The following SOX5 variants were observed in gnomAD, a reference collection of about 807,000 sequenced individuals.
The protein encoded by SOX5 is SRY-box transcription factor 5.
SOX5 carries 9 observed loss-of-function variants against 92.0 expected under a neutral mutation model. The observed-to-expected ratio is 0.10, with a 90% CI of 0.06 to 0.17. SOX5 has a LOEUF of 0.17. Among genes scored for constraint, SOX5 ranks in the 10% least tolerant of loss-of-function variants. SOX5 has a pLI of 1.00. For missense variants in SOX5, 642 were observed against 944.5 expected (o/e 0.68, Z 4.20); for synonymous variants, 344 against 336.3 (o/e 1.02, Z -0.25).
At chr12:24,285,027 AG>A (rs1945690751) in intron 2 of SOX5, among the ~76,000 whole-genome samples, 1 of 152,060 alleles carries the variant, frequency 6.6e-6, no homozygotes, top group Non-Finnish European at 1.5e-5. Context: ...TGGGATGCTG[AG>A]GCAGGAGAAT....
intron 2 of SOX5, among the ~76,000 whole-genome samples, chr12:23,872,169 T>A (rs2096881554): frequency 8.1e-6 from 1 of 122,706 alleles, no homozygotes; most frequent in East Asian, 2.2e-4. Context: ...GGCTAATTTT[T>A]TTTTTTTTTT....
chr12:24,060,958 A>T (rs1939569109), intron 4 of SOX5, among the ~76,000 whole-genome samples: 1 of 151,510 alleles, frequency 6.6e-6, no homozygotes, highest in Non-Finnish European at 1.5e-5. Context: ...AAACAAAAAC[A>T]CCCCCTTCCT....
chr12:24,004,952 T>C (rs1165843508), intron 4 of SOX5, among the ~76,000 whole-genome samples: 1 of 152,130 alleles, frequency 6.6e-6, no homozygotes, highest in African/African-American at 2.4e-5. Context: ...AAATAGCCGA[T>C]GCATGCTAAA....
At chr12:24,106,959 G>A (rs779379649) in intron 4 of SOX5, among the ~76,000 whole-genome samples, 8 of 151,878 alleles carry the variant, frequency 5.3e-5, no homozygotes, top group Non-Finnish European at 8.8e-5. Flanking sequence ...AATCAAATGA[G>A]CCAAAATTGT....
intron 11 of SOX5, among the ~76,000 whole-genome samples, chr12:23,555,891 C>A (rs1004890430): frequency 9.9e-5 from 15 of 152,080 alleles, no homozygotes; most frequent in African/African-American, 3.6e-4. Flanking sequence ...AGAAGAAAAC[C>A]ATCTAGAACA....
At position 23,546,361 on chromosome 12, in the gene SOX5, A is replaced by C; in HGVS notation, c.1552T>G (p.Phe518Val). ...LAVKQNEEGK[F>V]SHAMMDFNLS... Reference sequence around the variant, plus strand: ...TTGAAATCCATCATTGCATGGCTAAATTTTCCTTCTTCATTCTGTTTAACT... The same window carrying C: ...TTGAAATCCATCATTGCATGGCTAACTTTTCCTTCTTCATTCTGTTTAACT... Residue 518 changes from phenylalanine to valine, a missense_variant, in exon 12 of 15, where the codon TTT (phenylalanine) becomes GTT (valine). Phe to Val is a conservative substitution (Grantham distance 50, BLOSUM62 -1). This residue lies in a region of SOX5 where 324 missense variants were observed against 461.6 expected (regional missense o/e 0.70). Transcript: ENST00000451604. The C allele has an allele frequency of 6.2e-7, 1 of 1,610,160 alleles. No homozygotes were observed. The highest frequency in any genetic ancestry group is 1.3e-5 in the African/African-American group (1 of 74,868).
chr12:23,753,788 C>A (rs1433208792), intron 4 of SOX5, among the ~76,000 whole-genome samples: 1 of 151,840 alleles, frequency 6.6e-6, no homozygotes, highest in Middle Eastern at 3.4e-3. Flanking sequence ...TCACTTACCC[C>A]CAGAGGGCAA....
intron 1 of SOX5, among the ~76,000 whole-genome samples, chr12:24,506,448 A>G (rs1415785933): frequency 4.0e-5 from 6 of 150,512 alleles, no homozygotes; most frequent in Non-Finnish European, 1.5e-5. Flanking sequence ...AATGATTACA[A>G]GAAAAGTCTT....
chr12:24,121,267 T>G (rs1948582314), intron 4 of SOX5, among the ~76,000 whole-genome samples: 1 of 152,206 alleles, frequency 6.6e-6, no homozygotes, highest in Non-Finnish European at 1.5e-5. Context: ...TTCCAAAAGT[T>G]CATGGAAAAT....
rs895108294 is a variant in SOX5, at chr12:23,584,680, G to C, written c.1165-8842C>G. Reference sequence around the variant, plus strand: ...GCATTGGTTTATATTTGGGAGATGAGTGAAGGCCAAATTGTCTAAGGCACA... The same window carrying C: ...GCATTGGTTTATATTTGGGAGATGACTGAAGGCCAAATTGTCTAAGGCACA... On this transcript the variant is annotated intron_variant, in intron 9 of 14. Coordinates refer to ENST00000451604, the MANE Select transcript of SOX5 (RefSeq NM_006940.6). 6 of 1,095,550 alleles carry C rather than the reference G, an allele frequency of 5.5e-6. No individual in the cohort carries two copies. The African/African-American group carries it at 9.2e-5, about 17-fold the overall frequency. The allele number at this position is 1,095,550 out of a possible 1,614,324, so 67.9% of individuals were successfully genotyped here.
chr12:24,500,134 G>A (rs1948055049), intron 1 of SOX5, among the ~76,000 whole-genome samples: 2 of 152,070 alleles, frequency 1.3e-5, no homozygotes, highest in African/African-American at 2.4e-5. Context: ...TGTCATTTTT[G>A]TATTTATAAA....
At chr12:24,316,812 A>G (rs1949735652) in intron 2 of SOX5, among the ~76,000 whole-genome samples, 1 of 152,174 alleles carries the variant, frequency 6.6e-6, no homozygotes, top group Non-Finnish European at 1.5e-5. Flanking sequence ...ATTTTTTCTT[A>G]AGGCAAAATA....
chr12:24,446,880 G>A (rs1448132679), intron 1 of SOX5, among the ~76,000 whole-genome samples: 1 of 152,156 alleles, frequency 6.6e-6, no homozygotes, highest in Non-Finnish European at 1.5e-5. Flanking sequence ...AAATAATGGA[G>A]GTATATCAGT....
intron 1 of SOX5, among the ~76,000 whole-genome samples, chr12:24,490,587 A>T (rs1946959900): frequency 6.6e-6 from 1 of 152,084 alleles, no homozygotes; most frequent in Admixed American, 6.6e-5. Context: ...AGGAAAATTC[A>T]GGAAAAAAAA....
intron 4 of SOX5, among the ~76,000 whole-genome samples, chr12:23,753,339 A>G (rs1042474300): frequency 6.6e-6 from 1 of 151,632 alleles, no homozygotes; most frequent in African/African-American, 2.4e-5. Flanking sequence ...GAAAAGGGAA[A>G]AGGGCACACA....
At chr12:23,536,907 G>C (rs2135900813) in intron 13 of SOX5, among the ~76,000 whole-genome samples, 1 of 151,670 alleles carries the variant, frequency 6.6e-6, no homozygotes, top group African/African-American at 2.4e-5. Context: ...CCAAACTTTT[G>C]TATTATGTCC....
intron 6 of SOX5, 89 bp downstream of exon 6, chr12:23,734,595 T>C (rs1239283178): frequency 1.1e-6 from 1 of 942,264 alleles, no homozygotes; most frequent in East Asian, 2.6e-5. Flanking sequence ...CATTTTTATT[T>C]TGGAGGTCAT....
At position 24,076,344 on chromosome 12, in the gene SOX5, C is replaced by T. The variant is rs553549204; in HGVS notation, c.-2+136999G>A. Among the ~76,000 whole-genome samples the T allele has an allele frequency of 2.4e-3, 365 of 152,234 alleles. 1 individual carries two copies. Among genetic ancestry groups the T allele is most frequent in the South Asian group, 0.011 (52 of 4,828 alleles). ...TTAAAGACTTGGCAAGCCCTCCATG[C>T]TCTCATTTACTTACTCTCTATTATC... is the stretch of plus-strand genomic sequence containing the variant. On this transcript the variant is annotated intron_variant, in intron 4 of 4. Coordinates refer to the SOX5 transcript ENST00000446891.
At chr12:24,079,197 A>AAC (rs1030410134) in intron 4 of SOX5, among the ~76,000 whole-genome samples, 5 of 152,006 alleles carry the variant, frequency 3.3e-5, no homozygotes, top group African/African-American at 1.2e-4. Context: ...TAAAATTAAA[A>AAC]AAAAAAAACC....
Sources: gnomAD v4.1 joint callset for allele counts (sites outside exome capture counted in the v4.1 genomes callset) on GRCh38, gnomAD v4.1.1 for gene constraint, gnomAD v4.1.1 regional missense constraint, MANE v1.5 for transcripts, NCBI Gene and HGNC (gene_info 2026-07-23, HGNC 2026-07-21) for gene names.